The following SUPT3H variants were observed in gnomAD, a reference collection of about 807,000 sequenced individuals.
SUPT3H encodes the protein transcription initiation protein SPT3 homolog.
In SUPT3H, 44 loss-of-function variants were observed where a neutral mutation model predicts 44.3. The observed-to-expected ratio is 0.99, with a 90% confidence interval of 0.78 to 1.28. The LOEUF (loss-of-function observed/expected upper bound fraction) is 1.28, where lower values mean the gene tolerates loss of function less well. Ranked by LOEUF, SUPT3H falls within the 50% of genes most tolerant of loss-of-function variation. SUPT3H has a pLI of 0.00. For missense variants in SUPT3H, 380 were observed against 387.1 expected, an observed-to-expected ratio of 0.98 and a Z score of 0.15; for synonymous variants, 124 against 125.6, an observed-to-expected ratio of 0.99 and a Z score of 0.09.
chr6:45,064,217 T>C (rs1050940659), intron 3 of SUPT3H, among the ~76,000 whole-genome samples: 1 of 140,398 alleles, frequency 7.1e-6, no homozygotes, highest in Non-Finnish European at 1.5e-5. Context: ...CTAAGCTTCA[T>C]AAGTGAAGGA....
chr6:45,013,714 G>A (rs532408382), intron 5 of SUPT3H, among the ~76,000 whole-genome samples: 258 of 152,200 alleles, frequency 1.7e-3, no homozygotes, highest in African/African-American at 6.0e-3. Flanking sequence ...TGCCTGCCTA[G>A]AATAAAGCTT....
At chr6:44,826,681 T>C (rs1233015213), downstream of SUPT3H, among the ~76,000 whole-genome samples, 1 of 152,162 alleles carries the variant, frequency 6.6e-6, no homozygotes, top group Non-Finnish European at 1.5e-5. Context: ...CGTAAAAAAA[T>C]TCATAAAATT....
At chr6:45,143,562 G>C (rs1024807919) in intron 2 of SUPT3H, among the ~76,000 whole-genome samples, 10 of 152,040 alleles carry the variant, frequency 6.6e-5, no homozygotes, top group African/African-American at 2.2e-4. Context: ...GTGCTAAGAG[G>C]AAAGTTCATA....
At chr6:45,215,135 G>A (rs913313676) in intron 2 of SUPT3H, among the ~76,000 whole-genome samples, 1 of 152,044 alleles carries the variant, frequency 6.6e-6, no homozygotes, top group Non-Finnish European at 1.5e-5. Flanking sequence ...CACTAACTCA[G>A]AACCAAAAAT....
chr6:45,197,535 CT>C (rs1270692822), intron 2 of SUPT3H: 1 of 242,992 alleles, frequency 4.1e-6, no homozygotes, highest in African/African-American at 2.4e-5. Context: ...ATAATACATG[CT>C]TTTTAAAACT....
At chr6:45,299,860 T>A (rs1400497757) in intron 2 of SUPT3H, among the ~76,000 whole-genome samples, 1 of 96,624 alleles carries the variant, frequency 1.0e-5, no homozygotes, top group Non-Finnish European at 2.0e-5. Context: ...GGAAAAATGT[T>A]TTTATGTTCT....
intron 6 of SUPT3H, among the ~76,000 whole-genome samples, chr6:45,000,235 T>C (rs1004452575): frequency 6.6e-6 from 1 of 152,090 alleles, no homozygotes; most frequent in Non-Finnish European, 1.5e-5. Flanking sequence ...ACTTTTCTGG[T>C]ATTTGTGAAT....
intron 10 of SUPT3H, among the ~76,000 whole-genome samples, chr6:44,895,429 G>C (rs1325335158): frequency 6.6e-6 from 1 of 152,050 alleles, no homozygotes; most frequent in African/African-American, 2.4e-5. Context: ...TGAAAGCTCT[G>C]AAGATAATTA....
intron 2 of SUPT3H, among the ~76,000 whole-genome samples, chr6:45,200,058 A>C (rs1345756919): frequency 6.6e-6 from 1 of 151,536 alleles, no homozygotes; most frequent in African/African-American, 2.4e-5. Flanking sequence ...AGACTGTAAG[A>C]ATCATTATTC....
At chr6:45,074,241 A>G (rs886387860) in intron 3 of SUPT3H, among the ~76,000 whole-genome samples, 2 of 152,046 alleles carry the variant, frequency 1.3e-5, no homozygotes, top group Admixed American at 6.6e-5. Flanking sequence ...TTAAGCATAA[A>G]AACTATAACC....
At chr6:44,924,830 T>C (rs989617916) in intron 10 of SUPT3H, among the ~76,000 whole-genome samples, 1 of 152,070 alleles carries the variant, frequency 6.6e-6, no homozygotes, top group Non-Finnish European at 1.5e-5. Flanking sequence ...AAAAAATTTA[T>C]TATGAAAATT....
rs1055941666 is a variant in SUPT3H at position 45,203,044 on chromosome 6, T to C, written c.102-97038A>G. ...GATAACATAATCAAGGATGAGAATATTGATGAAAGACTCCATGAAGGAAGT... is the reference window on the plus strand; with the variant it reads ...GATAACATAATCAAGGATGAGAATACTGATGAAAGACTCCATGAAGGAAGT... On this transcript the variant is annotated intron_variant, in intron 2 of 10. Coordinates refer to ENST00000371459, the MANE Select transcript of SUPT3H (RefSeq NM_003599.4). Among the ~76,000 whole-genome samples, 75 of 152,044 alleles carry C rather than the reference T, an allele frequency of 4.9e-4. 2 individuals carry two copies.
At chr6:44,996,184 T>C (rs890537269) in intron 6 of SUPT3H, among the ~76,000 whole-genome samples, 1 of 151,878 alleles carries the variant, frequency 6.6e-6, no homozygotes, top group Non-Finnish European at 1.5e-5. Context: ...CTTTCTCGGT[T>C]TTACTAATCT....
chr6:44,937,526 T>C (rs1263934304), intron 9 of SUPT3H, among the ~76,000 whole-genome samples: 2 of 151,876 alleles, frequency 1.3e-5, no homozygotes, highest in Non-Finnish European at 2.9e-5. Context: ...TCAATAGAAG[T>C]TGTACTAATT....
At chr6:45,292,021 T>C (rs142238814) in intron 2 of SUPT3H, among the ~76,000 whole-genome samples, 102 of 152,188 alleles carry the variant, frequency 6.7e-4, no homozygotes, top group African/African-American at 2.2e-3. Context: ...AGGAAAGAAT[T>C]TTAAGACCTG....
At chr6:45,302,500 TGAA>T (rs1314959904) in intron 2 of SUPT3H, among the ~76,000 whole-genome samples, 1 of 129,506 alleles carries the variant, frequency 7.7e-6, no homozygotes, top group African/African-American at 2.8e-5. Flanking sequence ...TAATATATAA[TGAA>T]GTATCTCAGG....
intron 7 of SUPT3H, among the ~76,000 whole-genome samples, chr6:44,957,085 T>C (rs997198633): frequency 2.6e-5 from 4 of 152,276 alleles, no homozygotes; most frequent in Admixed American, 6.5e-5. Flanking sequence ...GAGGGAAAGA[T>C]TGATAGTGAA....
intron 2 of SUPT3H, among the ~76,000 whole-genome samples, chr6:45,195,867 T>C (rs764046382): frequency 1.2e-4 from 18 of 152,126 alleles, no homozygotes; most frequent in Non-Finnish European, 2.1e-4. Context: ...CTGAGGTCGG[T>C]AGTTACAAAC....
At chr6:45,052,976 C>T (rs1790536565) in intron 3 of SUPT3H, among the ~76,000 whole-genome samples, 1 of 151,236 alleles carries the variant, frequency 6.6e-6, no homozygotes, top group South Asian at 2.1e-4. Flanking sequence ...GAGAGGAAGA[C>T]AGGTAGAGAG....
Sources: allele counts gnomAD v4.1 joint callset (sites outside exome capture counted in the v4.1 genomes callset), GRCh38; gene constraint gnomAD v4.1.1; transcripts MANE v1.5; gene names NCBI Gene and HGNC (gene_info 2026-07-23, HGNC 2026-07-21).